The following CDT1 variants were observed in gnomAD, a reference collection of about 807,000 sequenced individuals.
The protein encoded by CDT1 is DNA replication factor Cdt1.
In CDT1, 66 loss-of-function variants were observed where a neutral mutation model predicts 49.3. The observed-to-expected ratio is 1.34, with a 90% CI of 1.10 to 1.64. CDT1 has a LOEUF of 1.64. Among genes scored for constraint, CDT1 ranks in the 40% most tolerant of loss-of-function variants. The probability of loss-of-function intolerance (pLI) is 0.00; values close to 1 mark genes in which losing one functional copy is unlikely to be tolerated. For synonymous variants in CDT1, 424 were observed against 347.4 expected (o/e 1.22, Z -2.45); for missense variants, 958 against 807.7 (o/e 1.19, Z -2.26).
At position 88,804,875 on chromosome 16, in the gene CDT1, C is replaced by T. The variant is rs202089169; in HGVS notation, c.465C>T (p.Ala155=). The T allele has an allele frequency of 7.0e-4, 1,108 of 1,593,326 alleles. 7 individuals are homozygous for T. The African/African-American group carries it at 0.013, about 19-fold the overall frequency. Residue 155 remains alanine (A), a synonymous_variant, in exon 3 of 10, where the codon GCC becomes GCT. Coordinates refer to ENST00000301019, the MANE Select transcript of CDT1 (RefSeq NM_030928.4). ...QDAGESCTPE[A]EGRPEEPCGE... is the part of the protein sequence containing the mutation. Reference sequence around the variant, plus strand: ...CTGGGGAGTCCTGCACCCCAGAGGCCGAGGGCCGCCCTGAGGAGCCATGGT... The same window carrying T: ...CTGGGGAGTCCTGCACCCCAGAGGCTGAGGGCCGCCCTGAGGAGCCATGGT...
At position 88,806,475 on chromosome 16, in the gene CDT1, C is replaced by T. The variant is rs1245201423; in HGVS notation, c.934-11C>T. On this transcript the variant is annotated splice_polypyrimidine_tract_variant and intron_variant, in intron 6 of 9. Transcript: ENST00000301019. The stretch of plus-strand genomic sequence containing the variant: ...TGTGCCCAGGGTCACCCATCTACTC[C>T]TTCTCCCCAGGCCTTCCTGGCCTCC... The T allele has an allele frequency of 1.9e-6, 3 of 1,609,856 alleles. No homozygotes were observed. The Admixed American group carries it at 5.0e-5, about 27-fold the overall frequency.
In CDT1 at chr16:88,806,488, C is replaced by T; in HGVS notation, c.936C>T (p.Ala312=). The T allele has an allele frequency of 1.9e-6, 3 of 1,610,458 alleles. No homozygotes were observed. Among genetic ancestry groups the T allele is most frequent in the Non-Finnish European group, 2.5e-6 (3 of 1,179,030 alleles). Reference sequence around the variant, plus strand: ...ACCCATCTACTCCTTCTCCCCAGGCCTTCCTGGCCTCCCTGAGCCCCGCCA... The same window carrying T: ...ACCCATCTACTCCTTCTCCCCAGGCTTTCCTGGCCTCCCTGAGCCCCGCCA... ...LVEHVKEHHK[A]FLASLSPAMV... The change falls in exon 7 of 10, where the codon GCC becomes GCT. Residue 312 remains alanine (A), a splice_region_variant and synonymous_variant. Transcript: ENST00000301019.
rs763233317 is a variant in CDT1, at chr16:88,807,168, G to T, written c.1240G>T (p.Ala414Ser). 1.4e-5 allele frequency: 23 copies of T among 1,612,512 alleles called. No individual in the cohort carries two copies. In the East Asian group the frequency reaches 4.9e-4, roughly 34 times the overall value. Residue 414 changes from alanine (A) to serine (S), a missense_variant, in exon 8 of 10, where the codon GCT becomes TCT. Coordinates refer to ENST00000301019, the MANE Select transcript of CDT1 (RefSeq NM_030928.4). ...CACCCCGCCTGCAGCCTCTCCCAGT[G>T]CTCTGAAGGGGGTGTCCCAGGATCT... is the stretch of plus-strand genomic sequence containing the variant. ...PATPPAASPS[A>S]LKGVSQDLLE... is the part of the protein sequence containing the mutation.
rs1408764687 is a variant in CDT1, at chr16:88,805,482, C to T, written c.531C>T (p.Ala177=). 14 of 1,612,842 alleles carry T rather than the reference C, an allele frequency of 8.7e-6. No individual in the cohort carries two copies. Among genetic ancestry groups the T allele is most frequent in the Non-Finnish European group, 1.2e-5 (14 of 1,179,950 alleles). The change falls in exon 4 of 10, where the codon GCC becomes GCT. Residue 177 remains alanine, a synonymous_variant. Coordinates refer to ENST00000301019, the MANE Select transcript of CDT1 (RefSeq NM_030928.4). ...APAYQRFHAL[A]QPGLPGLVLP... ...CCTACCAGCGCTTCCATGCCCTGGC[C>T]CAGCCCGGCCTGCCGGGACTCGTGC... is the stretch of plus-strand genomic sequence containing the variant.
rs760793444 is a variant in CDT1 at position 88,805,563 on chromosome 16, G to A, written c.612G>A (p.Val204=). Residue 204 remains valine (V), a synonymous_variant, in exon 4 of 10, where the codon GTG becomes GTA. Transcript: ENST00000301019. ...AEMFRSMDTI[V]GMLHNRSETP... The stretch of plus-strand genomic sequence containing the variant: ...TGTTCCGCAGCATGGACACCATCGT[G>A]GGCATGCTCCACAACCGCTCCGAGA... The A allele has an allele frequency of 1.2e-6, 2 of 1,612,894 alleles. No homozygotes were observed. Among genetic ancestry groups the A allele is most frequent in the South Asian group, 2.2e-5 (2 of 91,084 alleles).
rs1001413887 is a variant in CDT1 at position 88,808,832 on chromosome 16, T to C, written c.*554T>C. ...GAACATGGTGAAACCCCATCTCTAC[T>C]AAAAATACAAAAAATTAGCCGGGTG... On this transcript the variant is annotated 3_prime_UTR_variant, in exon 10 of 10. Transcript: ENST00000301019. The C allele has an allele frequency of 1.3e-5, 2 of 154,368 alleles. No individual in the cohort carries two copies. Among genetic ancestry groups the C allele is most frequent in the African/African-American group, 5.4e-5 (2 of 36,906 alleles). 9.6% of individuals were successfully genotyped at this position (154,368 alleles called of 1,614,324 possible). A position where few individuals can be genotyped will look rare whatever the true frequency, so the allele number is the denominator to read the frequency against.
chr16:88,804,503 C>G (rs770566247), intron 1 of CDT1, 42 bp from the exon 2 acceptor site: 1 of 1,600,926 alleles, frequency 6.2e-7, no homozygotes, highest in Admixed American at 1.7e-5. Flanking sequence ...CCAGGAGCAC[C>G]AGGTCTTGTC....
chr16:88,804,620 AC>A lies in CDT1; in HGVS notation c.308del (p.Pro103ArgfsTer9), dbSNP rs1458062694. 1.2e-6 allele frequency: 2 copies of A among 1,612,052 alleles called. No individual in the cohort carries two copies. The highest frequency in any genetic ancestry group is 2.2e-5 in the East Asian group (1 of 44,832). ...TCCGGGCCAGAAGATAAAGAAATCC[AC>A]CCCGGCAGCAGGTCAGCCGCCCCAC... The part of the protein sequence containing the change: ...PSPGQKIKKS[T>X]PAAGQPPHLT... On this transcript the variant is annotated frameshift_variant, in exon 2 of 10. Coordinates refer to ENST00000301019, the MANE Select transcript of CDT1 (RefSeq NM_030928.4). LOFTEE classifies it high-confidence loss of function.
At chr16:88,806,863 C>T (rs1908876236) in intron 7 of CDT1, among the ~76,000 whole-genome samples, 188 bp from the exon 8 acceptor site, 1 of 152,272 alleles carries the variant, frequency 6.6e-6, no homozygotes, top group Non-Finnish European at 1.5e-5. Flanking sequence ...CTGGCTCTGC[C>T]ACTAGCCCCA....
At position 88,806,510 on chromosome 16, in the gene CDT1, G is replaced by C; in HGVS notation, c.958G>C (p.Ala320Pro). ...HKAFLASLSP[A>P]MVVPEDQLTR... ...GGCCTTCCTGGCCTCCCTGAGCCCC[G>C]CCATGGTGGTGCCGGAGGACCAGCT... The change falls in exon 7 of 10, where the codon GCC becomes CCC. Residue 320 changes from alanine (A) to proline (P), a missense_variant. Physicochemically the swap from Ala to Pro is conservative, Grantham distance 27. Transcript: ENST00000301019. 1 of 1,610,814 alleles carries C rather than the reference G, an allele frequency of 6.2e-7. No individual in the cohort carries two copies. Among genetic ancestry groups the C allele is most frequent in the Non-Finnish European group, 8.5e-7 (1 of 1,179,120 alleles).
In CDT1 at chr16:88,804,827, G is replaced by T. The variant is rs747010633; in HGVS notation, c.417G>T (p.Ala139=). ...GGGAGCTGGGGGCAAGAGTCCGGGC[G>T]CTGAAGGCCAGTGCCCAGGATGCTG... ...RARELGARVR[A]LKASAQDAGE... is the part of the protein sequence containing the mutation. Residue 139 remains alanine, a synonymous_variant, in exon 3 of 10, where the codon GCG becomes GCT. Coordinates refer to ENST00000301019, the MANE Select transcript of CDT1 (RefSeq NM_030928.4). The T allele has an allele frequency of 1.2e-6, 2 of 1,612,290 alleles. No individual in the cohort carries two copies. Among genetic ancestry groups the T allele is most frequent in the Admixed American group, 1.7e-5 (1 of 59,980 alleles).
At position 88,804,626 on chromosome 16, in the gene CDT1, G is replaced by A. The variant is rs1327591000; in HGVS notation, c.310G>A (p.Ala104Thr). 1.2e-6 allele frequency: 2 copies of A among 1,612,554 alleles called. No homozygotes were observed. Among genetic ancestry groups the A allele is most frequent in the Non-Finnish European group, 1.7e-6 (2 of 1,179,836 alleles). The change falls in exon 2 of 10, where the codon GCA becomes ACA. Residue 104 changes from alanine to threonine, a missense_variant. Coordinates refer to ENST00000301019, the MANE Select transcript of CDT1 (RefSeq NM_030928.4). ...PGQKIKKSTP[A>T]AGQPPHLTSA... ...CCAGAAGATAAAGAAATCCACCCCG[G>A]CAGCAGGTCAGCCGCCCCACCTGAC... is the stretch of plus-strand genomic sequence containing the variant.
chr16:88,805,350 A>G, intron 3 of CDT1, 90 bp from the exon 4 acceptor site: 1 of 1,439,414 alleles, frequency 6.9e-7, no homozygotes, highest in Admixed American at 1.9e-5. Context: ...GGCAGGCCCC[A>G]TCGGAGGGTC....
chr16:88,806,602 G>C lies in CDT1; in HGVS notation c.1050G>C (p.Gln350His), dbSNP rs1470644288. Residue 350 changes from glutamine (Q) to histidine (H), a missense_variant, in exon 7 of 10, where the codon CAG (glutamine) becomes CAC (histidine). Coordinates refer to ENST00000301019, the MANE Select transcript of CDT1 (RefSeq NM_030928.4). ...ACATCGAGCCGGCCGCGCTGCCCCA[G>C]CCACCCGCCACGGAGAAGCTCACCA... is the stretch of plus-strand genomic sequence containing the variant. ...VPDIEPAALP[Q>H]PPATEKLTTA... The C allele has an allele frequency of 1.2e-6, 2 of 1,609,756 alleles. No homozygotes were observed. The highest frequency in any genetic ancestry group is 1.3e-5 in the African/African-American group (1 of 74,884).
chr16:88,803,952 G>T lies in CDT1; in HGVS notation c.121G>T (p.Ala41Ser). 7.1e-7 allele frequency: 1 copy of T among 1,412,152 alleles called. No homozygotes were observed. The highest frequency in any genetic ancestry group is 9.2e-7 in the Non-Finnish European group (1 of 1,084,528). 87.5% of individuals were successfully genotyped at this position (1,412,152 alleles called of 1,614,324 possible). A position where few individuals can be genotyped will look rare whatever the true frequency, so the allele number is the denominator to read the frequency against. Residue 41 changes from alanine (A) to serine (S), a missense_variant, in exon 1 of 10, where the codon GCC (alanine) becomes TCC (serine). Coordinates refer to ENST00000301019, the MANE Select transcript of CDT1 (RefSeq NM_030928.4). ...CGCCAGGCCCGCACTCCGCGCCCCG[G>T]CCTCCGCTACCAGTGGCAGCCGCAA... The part of the protein sequence containing the change: ...SPARPALRAP[A>S]SATSGSRKRA...
chr16:88,807,576 G>T (rs1236429205), intron 9 of CDT1, 94 bp downstream of exon 9: 3 of 1,223,122 alleles, frequency 2.5e-6, no homozygotes, highest in Non-Finnish European at 3.5e-6. Flanking sequence ...GTCTGTCACT[G>T]ATCTGTTCTG....
In CDT1 at chr16:88,807,126, C is replaced by G. The variant is rs773820231; in HGVS notation, c.1198C>G (p.Pro400Ala). ...CCCCGGGTCTCCCAGGCCAGCACTG[C>G]CGGCTACCCCACCAGCCACCCCGCC... Reference protein sequence around the residue: ...SSPGSPRPALPATPPATPPAA... With the variant: ...SSPGSPRPALAATPPATPPAA... The change falls in exon 8 of 10, where the codon CCG (proline) becomes GCG (alanine). Residue 400 changes from proline to alanine, a missense_variant. Pro to Ala is a conservative substitution (Grantham distance 27, BLOSUM62 -1). Coordinates refer to ENST00000301019, the MANE Select transcript of CDT1 (RefSeq NM_030928.4). 6.2e-7 allele frequency: 1 copy of G among 1,612,626 alleles called. No individual in the cohort carries two copies. Among genetic ancestry groups the G allele is most frequent in the Non-Finnish European group, 8.5e-7 (1 of 1,179,936 alleles).
At chr16:88,805,308 G>A (rs1597504784) in intron 3 of CDT1, 132 bp from the exon 4 acceptor site, 1 of 1,080,032 alleles carries the variant, frequency 9.3e-7, no homozygotes, top group Non-Finnish European at 1.4e-6. Flanking sequence ...TGGTGGGTGT[G>A]CAAGGGCCGC....
At chr16:88,805,922 C>T (rs987209355) in intron 5 of CDT1, 53 bp downstream of exon 5, 2 of 1,603,438 alleles carry the variant, frequency 1.2e-6, no homozygotes, top group African/African-American at 2.7e-5. Flanking sequence ...CGCACAGTTT[C>T]CAGGGTGGGT....
Sources: gnomAD v4.1 joint callset for allele counts (sites outside exome capture counted in the v4.1 genomes callset) on GRCh38, gnomAD v4.1.1 for gene constraint, MANE v1.5 for transcripts, NCBI Gene and HGNC (gene_info 2026-07-23, HGNC 2026-07-21) for gene names.